The following DOC2B variants were observed in gnomAD, a reference collection of about 807,000 sequenced individuals.
DOC2B encodes the protein double C2-like domain-containing protein beta.
DOC2B carries 21 observed loss-of-function variants against 28.9 expected under a neutral mutation model. The ratio of observed to expected loss-of-function variants is 0.73; its 90% CI spans 0.52 to 1.05. The LOEUF is 1.05. DOC2B is among the 50% of genes least tolerant of loss of function. The pLI is 0.00. For missense variants in DOC2B, 384 were observed against 421.1 expected, an observed-to-expected ratio of 0.91 and a Z score of 0.77; for synonymous variants, 194 against 178.1, an observed-to-expected ratio of 1.09 and a Z score of -0.71.
chr17:159,284 AG>A (rs2040172442), intron 5 of DOC2B, among the ~76,000 whole-genome samples: 1 of 152,128 alleles, frequency 6.6e-6, no homozygotes, highest in Admixed American at 6.5e-5. Flanking sequence ...GGAGGTCAGG[AG>A]TTTGAGACTT....
Position 161,583 on chromosome 17 carries a change from C to T in DOC2B, c.639-42G>A, listed in dbSNP as rs370641729. On this transcript the variant is annotated intron_variant, in intron 4 of 8. Coordinates refer to ENST00000613549, the MANE Select transcript of DOC2B (RefSeq NM_003585.5). ...TGAGGGGCACAGCCAGTGCCTCAGACGCACTGGGCATGGTGGAGGTGTGCG... is the reference window on the plus strand; with the variant it reads ...TGAGGGGCACAGCCAGTGCCTCAGATGCACTGGGCATGGTGGAGGTGTGCG... The T allele has an allele frequency of 7.5e-4, 1,167 of 1,550,600 alleles. 5 individuals are homozygous for T. Among genetic ancestry groups the T allele is most frequent in the Non-Finnish European group, 3.9e-4 (451 of 1,146,532 alleles).
In DOC2B at chr17:181,139, G is replaced by A. The variant is rs1597840903; in HGVS notation, c.341C>T (p.Pro114Leu). ...GTCCGACTCGTAGCCGTCGGCGTCC[G>A]GCTCGTCCTCCGGCGGCTTGGCTGG... ...RPPAKPPEDE[P>L]DADGYESDDC... Residue 114 changes from proline (P) to leucine (L), a missense_variant, in exon 1 of 9, where the codon CCG (proline) becomes CTG (leucine). By Grantham distance (98) the Pro-to-Leu change is moderately conservative. Coordinates refer to ENST00000613549, the MANE Select transcript of DOC2B (RefSeq NM_003585.5). The surrounding 1 kb of genome is among the most constrained non-coding windows in gnomAD (Gnocchi z 7.0). 17 of 1,254,018 alleles carry A rather than the reference G, an allele frequency of 1.4e-5. No homozygotes were observed. Among genetic ancestry groups the A allele is most frequent in the Non-Finnish European group, 1.7e-5 (17 of 1,000,332 alleles). The allele number at this position is 1,254,018 out of a possible 1,614,324, so 77.7% of individuals were successfully genotyped here.
Position 144,761 on chromosome 17 carries a change from C to T in DOC2B, c.*2680G>A, listed in dbSNP as rs1348758437. 1 of 152,248 alleles carries T rather than the reference C, an allele frequency of 6.6e-6. No individual in the cohort carries two copies. Among genetic ancestry groups the T allele is most frequent in the Non-Finnish European group, 1.5e-5 (1 of 68,086 alleles). The allele number at this position is 152,248 out of a possible 1,614,324, so 9.4% of individuals were successfully genotyped here. ...TTTGCACAGCCTGGGCAGTAGAGGG[C>T]CCTGGACTGGGGGGCTGGAGTTCTG... On this transcript the variant is annotated 3_prime_UTR_variant, in exon 9 of 9. Coordinates refer to ENST00000613549, the MANE Select transcript of DOC2B (RefSeq NM_003585.5).
Position 176,084 on chromosome 17 carries a change from C to T in DOC2B, c.374-3468G>A, listed in dbSNP as rs146975103. On this transcript the variant is annotated intron_variant, in intron 1 of 8. Coordinates refer to ENST00000613549, the MANE Select transcript of DOC2B (RefSeq NM_003585.5). ...TTCATTTCCCTTTAGAGAAATGAGG[C>T]TCAGAGAGGGGAGGGGAGCTGCTCA... Among the ~76,000 whole-genome samples, 388 of 152,278 alleles carry T rather than the reference C, an allele frequency of 2.5e-3. 2 individuals carry two copies. Among genetic ancestry groups the T allele is most frequent in the African/African-American group, 8.0e-3 (333 of 41,556 alleles).
In DOC2B at chr17:181,258, G is replaced by A; in HGVS notation, c.222C>T (p.Asp74=). The change falls in exon 1 of 9, where the codon GAC becomes GAT. Residue 74 remains aspartate (D), a synonymous_variant. Transcript: ENST00000613549. The surrounding 1 kb of genome is among the most constrained non-coding windows in gnomAD (Gnocchi z 7.0). ...VAGAGRRSPS[D]GAREDDEDVD... ...CATCCTCGTCGTCCTCGCGGGCGCC[G>A]TCGGAGGGGCTGCGGCGGCCGGCAC... The A allele has an allele frequency of 8.3e-7, 1 of 1,211,072 alleles. No individual in the cohort carries two copies. The highest frequency in any genetic ancestry group is 1.0e-6 in the Non-Finnish European group (1 of 974,936). 75.0% of individuals were successfully genotyped at this position (1,211,072 alleles called of 1,614,324 possible). A position where few individuals can be genotyped will look rare whatever the true frequency, so the allele number is the denominator to read the frequency against.
chr17:176,628 TG>T lies in DOC2B; in HGVS notation c.374-4013del, dbSNP rs201626505. Among the ~76,000 whole-genome samples the T allele has an allele frequency of 9.6e-3, 1,464 of 151,742 alleles. 45 individuals carry two copies. Among genetic ancestry groups the T allele is most frequent in the Admixed American group, 0.051 (782 of 15,248 alleles). ...CAGAGTTGCTCTAGGGGAAGGAGAG[TG>T]GGGGCTCAGCCGCTGCCCTGGAGAG... On this transcript the variant is annotated intron_variant, in intron 1 of 8. Coordinates refer to ENST00000613549, the MANE Select transcript of DOC2B (RefSeq NM_003585.5).
rs754659957 is a variant in DOC2B, at chr17:156,101, C to T, written c.923+119G>A. 51 of 1,157,474 alleles carry T rather than the reference C, an allele frequency of 4.4e-5. 1 individual carries two copies. Among genetic ancestry groups the T allele is most frequent in the South Asian group, 1.1e-4 (7 of 61,478 alleles). The allele number at this position is 1,157,474 out of a possible 1,614,324, so 71.7% of individuals were successfully genotyped here. ...CAAGGTAGCCCATCAGGGAACACAG[C>T]GCCCCTGTACCTCAGGCACTCCCTG... On this transcript the variant is annotated intron_variant, in intron 6 of 8. Transcript: ENST00000613549.
At chr17:149,753 G>T (rs1376243436) in intron 6 of DOC2B, among the ~76,000 whole-genome samples, 1 of 152,132 alleles carries the variant, frequency 6.6e-6, no homozygotes, top group African/African-American at 2.4e-5. Context: ...TGATCCACCT[G>T]CCTCGGCCTC....
chr17:168,692 A>G (rs991877864), intron 2 of DOC2B, among the ~76,000 whole-genome samples: 5 of 145,126 alleles, frequency 3.4e-5, no homozygotes, highest in Non-Finnish European at 1.5e-5. Flanking sequence ...AATACGTCTC[A>G]CGAGATCTCA....
chr17:160,292 C>G (rs1040804244), intron 5 of DOC2B, among the ~76,000 whole-genome samples: 1 of 152,116 alleles, frequency 6.6e-6, no homozygotes, highest in African/African-American at 2.4e-5. Flanking sequence ...AACCGGGTTA[C>G]CTGTGGTTAG....
At chr17:158,310 T>C (rs1284833667) in intron 5 of DOC2B, among the ~76,000 whole-genome samples, 2 of 151,984 alleles carry the variant, frequency 1.3e-5, no homozygotes, top group Non-Finnish European at 2.9e-5. Context: ...CACGCCCAGC[T>C]TGAGCCCTGT....
chr17:172,952 C>T (rs1026669098), intron 1 of DOC2B, among the ~76,000 whole-genome samples: 1 of 152,244 alleles, frequency 6.6e-6, no homozygotes, highest in African/African-American at 2.4e-5. Context: ...AACTGCCAGT[C>T]TGGGCCCCGT....
At chr17:162,957 T>A (rs2040222189) in intron 3 of DOC2B, among the ~76,000 whole-genome samples, 1 of 152,148 alleles carries the variant, frequency 6.6e-6, no homozygotes, top group South Asian at 2.1e-4. Context: ...CTTGTCTGAA[T>A]CGGTCTGATG....
At chr17:148,307 G>A in intron 7 of DOC2B, 38 bp from the exon 8 acceptor site, 1 of 398,780 alleles carries the variant, frequency 2.5e-6, no homozygotes, top group East Asian at 3.6e-5. Flanking sequence ...TGATGCCTGG[G>A]CCTGGGCCTC....
intron 5 of DOC2B, among the ~76,000 whole-genome samples, chr17:157,397 T>A (rs553739154): frequency 6.6e-6 from 1 of 152,328 alleles, no homozygotes; most frequent in African/African-American, 2.4e-5. Context: ...TGTCATGGCC[T>A]GGTGTGGCCC....
intron 7 of DOC2B, among the ~76,000 whole-genome samples, 195 bp from the exon 8 acceptor site, chr17:148,464 G>A (rs1311721915): frequency 3.9e-5 from 6 of 152,090 alleles, no homozygotes; most frequent in East Asian, 2.0e-4. Context: ...CTGTCCCCTC[G>A]CCCGCTTGCT....
intron 7 of DOC2B, 89 bp downstream of exon 7, chr17:149,022 C>T: frequency 2.6e-6 from 1 of 389,766 alleles, no homozygotes; most frequent in Non-Finnish European, 4.5e-6. Context: ...CCCTCCCCAT[C>T]CCGCCATGAC....
chr17:163,186 C>G (rs2040224436), intron 3 of DOC2B, among the ~76,000 whole-genome samples: 1 of 152,214 alleles, frequency 6.6e-6, no homozygotes, highest in Non-Finnish European at 1.5e-5. Flanking sequence ...GCTCCAGTCC[C>G]ACAAATGAAG....
chr17:148,017 T>C (rs2040034521), intron 8 of DOC2B, among the ~76,000 whole-genome samples, 156 bp downstream of exon 8: 1 of 152,040 alleles, frequency 6.6e-6, no homozygotes, highest in Non-Finnish European at 1.5e-5. Flanking sequence ...TGTCTCTTCC[T>C]GGGGCACAAG....
Sources: allele counts gnomAD v4.1 joint callset (sites outside exome capture counted in the v4.1 genomes callset), GRCh38; gene constraint gnomAD v4.1.1; non-coding constraint Gnocchi (gnomAD v3.1); transcripts MANE v1.5; gene names NCBI Gene and HGNC (gene_info 2026-07-23, HGNC 2026-07-21).